The following R3HDM1 variants were observed in gnomAD, a reference collection of about 807,000 sequenced individuals.
R3HDM1 encodes R3H domain-containing protein 1.
R3HDM1 carries 46 observed loss-of-function variants against 141.1 expected under a neutral mutation model. The ratio of observed to expected loss-of-function variants is 0.33; its 90% CI spans 0.26 to 0.42. The LOEUF is 0.42. Among genes scored for constraint, R3HDM1 ranks in the 10% least tolerant of loss-of-function variants. The pLI, the probability that R3HDM1 is intolerant of heterozygous loss-of-function variation, is 1.00. For missense variants in R3HDM1, 1,184 were observed against 1,368.3 expected (o/e 0.87, Z 2.12); for synonymous variants, 435 against 472.9 (o/e 0.92, Z 1.04).
chr2:135,633,929 A>G (rs2105224560), intron 9 of R3HDM1: 1 of 152,326 alleles, frequency 6.6e-6, no homozygotes, highest in South Asian at 2.1e-4. Flanking sequence ...TAAACCTTAT[A>G]GTTCACTTTG....
intron 1 of R3HDM1, among the ~76,000 whole-genome samples, chr2:135,547,286 T>A (rs1698893287): frequency 6.6e-6 from 1 of 152,160 alleles, no homozygotes; most frequent in African/African-American, 2.4e-5. Flanking sequence ...ATCAGTATGG[T>A]GGGTCTGCAT....
At chr2:135,625,514 G>A (rs1471440903) in intron 7 of R3HDM1, among the ~76,000 whole-genome samples, 2 of 152,134 alleles carry the variant, frequency 1.3e-5, no homozygotes, top group African/African-American at 2.4e-5. Flanking sequence ...TTGTAAGATT[G>A]CGAAATATAT....
At chr2:135,543,592 G>T (rs1252190198) in intron 1 of R3HDM1, among the ~76,000 whole-genome samples, 2 of 151,870 alleles carry the variant, frequency 1.3e-5, no homozygotes, top group Non-Finnish European at 2.9e-5. Context: ...TATTAAATGA[G>T]AAATTTTAAA....
chr2:135,705,613 G>A (rs140774892), intron 21 of R3HDM1, among the ~76,000 whole-genome samples: 1 of 152,132 alleles, frequency 6.6e-6, no homozygotes, highest in South Asian at 2.1e-4. Context: ...TCCAGCCTGA[G>A]GAATAGAGTG....
At position 135,638,718 on chromosome 2, in the gene R3HDM1, G is replaced by A. The variant is rs747262142; in HGVS notation, c.942-21G>A. 1.6e-5 allele frequency: 26 copies of A among 1,613,534 alleles called. No homozygotes were observed. In the East Asian group the frequency reaches 3.6e-4, roughly 22 times the overall value. ...GACTGATGCTAATAAAAATTAAAAT[G>A]TCCTATTAAAATGCCAACAGACTCC... On this transcript the variant is annotated intron_variant, in intron 12 of 26. Transcript: ENST00000683871.
intron 3 of R3HDM1, among the ~76,000 whole-genome samples, chr2:135,612,127 T>C (rs192687245): frequency 5.8e-4 from 88 of 152,318 alleles, no homozygotes; most frequent in African/African-American, 7.9e-4. Flanking sequence ...AAAATAGCTC[T>C]CCCACCTCAG....
intron 21 of R3HDM1, among the ~76,000 whole-genome samples, chr2:135,706,955 C>G (rs961945025): frequency 6.6e-6 from 1 of 151,736 alleles, no homozygotes; most frequent in Non-Finnish European, 1.5e-5. Context: ...TAGGGGCGGC[C>G]GGGCAGAGGC....
rs926000009 is a variant in R3HDM1, at chr2:135,541,767, CAG to C, written c.-250+10138_-250+10139del. Among the ~76,000 whole-genome samples the C allele has an allele frequency of 4.0e-5, 6 of 148,448 alleles. No individual in the cohort carries two copies. The Admixed American group carries it at 4.1e-4, about 10-fold the overall frequency. On this transcript the variant is annotated intron_variant, in intron 1 of 26. Coordinates refer to ENST00000683871, the MANE Select transcript of R3HDM1 (RefSeq NM_001378107.1). ...TTGCAAGAATTACCAAACTATTACA[CAG>C]AGACATGAAGTGAGCACATGTTGGG...
chr2:135,557,466 C>T (rs1701008297), intron 1 of R3HDM1, among the ~76,000 whole-genome samples: 1 of 152,164 alleles, frequency 6.6e-6, no homozygotes, highest in South Asian at 2.1e-4. Context: ...CATCGAATGC[C>T]AGGTCCAGAA....
chr2:135,583,744 T>C (rs976413770), intron 1 of R3HDM1: 1 of 985,208 alleles, frequency 1.0e-6, no homozygotes, highest in Non-Finnish European at 1.2e-6. Flanking sequence ...AATGTTGTCT[T>C]TACCTGTAAA....
chr2:135,541,593 T>C (rs1413381585), intron 1 of R3HDM1, among the ~76,000 whole-genome samples: 1 of 151,990 alleles, frequency 6.6e-6, no homozygotes, highest in Non-Finnish European at 1.5e-5. Flanking sequence ...AGCCAGTTGG[T>C]GGTGCAATCA....
At chr2:135,546,835 C>A (rs904054356) in intron 1 of R3HDM1, among the ~76,000 whole-genome samples, 1 of 152,020 alleles carries the variant, frequency 6.6e-6, no homozygotes, top group Admixed American at 6.6e-5. Flanking sequence ...CCATGCCTGG[C>A]TAATTTTTGT....
chr2:135,569,460 G>A (rs1330274918), intron 1 of R3HDM1, among the ~76,000 whole-genome samples: 1 of 151,684 alleles, frequency 6.6e-6, no homozygotes, highest in African/African-American at 2.4e-5. Flanking sequence ...TCCAGCCTGG[G>A]CAACAAAATG....
chr2:135,544,197 T>C (rs1416235041), intron 1 of R3HDM1, among the ~76,000 whole-genome samples: 1 of 152,194 alleles, frequency 6.6e-6, no homozygotes, highest in Non-Finnish European at 1.5e-5. Flanking sequence ...ATTAGCTAAT[T>C]TTTTTCCAGT....
chr2:135,674,506 AT>A (rs1338629258), intron 19 of R3HDM1, among the ~76,000 whole-genome samples: 1 of 152,220 alleles, frequency 6.6e-6, no homozygotes, highest in African/African-American at 2.4e-5. Flanking sequence ...GCTAATTAGT[AT>A]ACCTAAAAGA....
Position 135,722,511 on chromosome 2 carries a change from G to A in R3HDM1, c.3007G>A (p.Ala1003Thr). 6.2e-7 allele frequency: 1 copy of A among 1,613,762 alleles called. No individual in the cohort carries two copies. Among genetic ancestry groups the A allele is most frequent in the Non-Finnish European group, 8.5e-7 (1 of 1,179,998 alleles). The change falls in exon 26 of 27, where the codon GCT (alanine) becomes ACT (threonine). Residue 1003 changes from alanine to threonine, a missense_variant. Ala to Thr is a moderately conservative substitution (Grantham distance 58). Transcript: ENST00000683871. ...GCATGGAAACCGAGGAAGGAGACAA[G>A]CTAAAAAAGCTGCATCCACAGACCT... ...SRHGNRGRRQ[A>T]KKAASTDLGA... is the part of the protein sequence containing the mutation.
At chr2:135,697,823 G>A (rs1403175841) in intron 21 of R3HDM1, among the ~76,000 whole-genome samples, 1 of 152,008 alleles carries the variant, frequency 6.6e-6, no homozygotes, top group Non-Finnish European at 1.5e-5. Context: ...GGAGGCCAAG[G>A]CAGGCAGATC....
chr2:135,636,171 A>AT lies in R3HDM1; in HGVS notation c.895dup (p.Ser299PhefsTer14). On this transcript the variant is annotated frameshift_variant, in exon 11 of 27. Transcript: ENST00000683871. LOFTEE classifies it high-confidence loss of function. ...AGTACCAGAGAGCCAGAGACCGAAT[A>AT]TTTTCCCAAGATGTACGTACTAACT... 6.2e-7 allele frequency: 1 copy of AT among 1,612,780 alleles called. No homozygotes were observed. The highest frequency in any genetic ancestry group is 8.5e-7 in the Non-Finnish European group (1 of 1,179,354).
At chr2:135,544,273 A>G (rs1048609847) in intron 1 of R3HDM1, among the ~76,000 whole-genome samples, 2 of 152,260 alleles carry the variant, frequency 1.3e-5, no homozygotes, top group Non-Finnish European at 2.9e-5. Context: ...TAGTAAAAAC[A>G]CATCATATAG....
Sources: allele counts gnomAD v4.1 joint callset (sites outside exome capture counted in the v4.1 genomes callset), GRCh38; gene constraint gnomAD v4.1.1; transcripts MANE v1.5; gene names NCBI Gene and HGNC (gene_info 2026-07-23, HGNC 2026-07-21).